Variants in NPHP4 observed in about 807,000 individuals in gnomAD.
The protein encoded by NPHP4 is nephrocystin 4.
Under a neutral mutation model 155.8 loss-of-function variants are expected in NPHP4, and 151 were observed. The observed-to-expected ratio is 0.97, with a 90% confidence interval of 0.85 to 1.11. The LOEUF (loss-of-function observed/expected upper bound fraction) is 1.11. Ranked by LOEUF, NPHP4 falls within the 50% of genes least tolerant of loss-of-function variation. The pLI, the probability that NPHP4 is intolerant of heterozygous loss-of-function variation, is 0.00. For missense variants in NPHP4, 1,956 were observed against 1,925.7 expected, an observed-to-expected ratio of 1.02 and a Z score of -0.29; for synonymous variants, 845 against 816.8, an observed-to-expected ratio of 1.03 and a Z score of -0.59.
intron 12 of NPHP4, among the ~76,000 whole-genome samples, 166 bp downstream of exon 12, chr1:5,908,986 G>A (rs1195109838): frequency 6.6e-6 from 1 of 152,226 alleles, no homozygotes; most frequent in Non-Finnish European, 1.5e-5. Flanking sequence ...TCAGGGACAG[G>A]CTGCACAGAC....
In NPHP4 at chr1:5,879,598, T is replaced by C. The variant is rs202097188; in HGVS notation, c.2611+516A>G. 1.6e-3 allele frequency: 841 copies of C among 519,088 alleles called. 4 individuals are homozygous for C. The highest frequency in any genetic ancestry group is 6.7e-3 in the Middle Eastern group (21 of 3,148). The allele number at this position is 519,088 out of a possible 1,614,324, so 32.2% of individuals were successfully genotyped here. A position where few individuals can be genotyped will look rare whatever the true frequency, so the allele number is the denominator to read the frequency against. ...CAAATGCCACTGGCAGGGTTCCCAC[T>C]TCTCCAAACAGCACAGTCGCCTGCA... On this transcript the variant is annotated intron_variant, in intron 19 of 29. Transcript: ENST00000378156.
chr1:5,880,031 G>GCACA (rs140612295), intron 19 of NPHP4, 83 bp downstream of exon 19: 33 of 1,329,124 alleles, frequency 2.5e-5, no homozygotes, highest in East Asian at 7.8e-5. Context: ...ACACACGCAT[G>GCACA]CACACACACA....
intron 23 of NPHP4, among the ~76,000 whole-genome samples, chr1:5,869,557 C>T (rs1260166799): frequency 1.3e-5 from 2 of 152,224 alleles, no homozygotes; most frequent in Non-Finnish European, 2.9e-5. Flanking sequence ...ATCTAAGCTT[C>T]TATCAAGTTG....
rs763404616 is a variant in NPHP4, at chr1:5,904,767, T to C, written c.1993A>G (p.Thr665Ala). The C allele has an allele frequency of 6.2e-7, 1 of 1,613,952 alleles. No individual in the cohort carries two copies. Among genetic ancestry groups the C allele is most frequent in the Admixed American group, 1.7e-5 (1 of 60,024 alleles). The change falls in exon 16 of 30, where the codon ACT (threonine) becomes GCT (alanine). Residue 665 changes from threonine to alanine, a missense_variant. By Grantham distance (58) the Thr-to-Ala change is moderately conservative. Transcript: ENST00000378156. ...TAGAACTGGAAGGTGAAATACACAG[T>C]CTTTGGCCATGATGTTCCTCGGCAG... ...QDCRGTSWPK[T>A]VYFTFQFYRF...
chr1:5,941,498 A>T (rs915088535), intron 9 of NPHP4, among the ~76,000 whole-genome samples: 7 of 152,136 alleles, frequency 4.6e-5, no homozygotes, highest in African/African-American at 1.7e-4. Flanking sequence ...AAGATAAATG[A>T]CAAAATGAGG....
At chr1:5,926,742 G>A (rs1646025567) in intron 11 of NPHP4, among the ~76,000 whole-genome samples, 1 of 152,138 alleles carries the variant, frequency 6.6e-6, no homozygotes, top group Non-Finnish European at 1.5e-5. Context: ...CAGGACTTGG[G>A]GCCATAGCCG....
intron 16 of NPHP4, among the ~76,000 whole-genome samples, chr1:5,896,968 CA>C (rs1644426766): frequency 6.6e-6 from 1 of 152,174 alleles, no homozygotes; most frequent in Admixed American, 6.5e-5. Flanking sequence ...AAAGACAAAG[CA>C]AAACAGCCGG....
At chr1:5,968,810 C>A (rs1411927226) in intron 4 of NPHP4, among the ~76,000 whole-genome samples, 1 of 151,990 alleles carries the variant, frequency 6.6e-6, no homozygotes, top group East Asian at 1.9e-4. Flanking sequence ...GTAGCAGGTG[C>A]ATCACTTGAG....
At chr1:5,976,963 T>C (rs1441505227) in intron 3 of NPHP4, among the ~76,000 whole-genome samples, 1 of 152,156 alleles carries the variant, frequency 6.6e-6, no homozygotes, top group African/African-American at 2.4e-5. Context: ...TCACCGCCAC[T>C]GTTACTCATC....
chr1:5,939,442 G>C (rs568406878), intron 9 of NPHP4, among the ~76,000 whole-genome samples: 2 of 152,336 alleles, frequency 1.3e-5, no homozygotes, highest in South Asian at 4.1e-4. Flanking sequence ...GGGCCCCAGC[G>C]GCTGGCATGT....
intron 5 of NPHP4, among the ~76,000 whole-genome samples, chr1:5,964,934 TA>T (rs1557850535): frequency 1.7e-4 from 9 of 54,050 alleles, no homozygotes; most frequent in African/African-American, 1.0e-3. Flanking sequence ...TATATATATA[TA>T]TATATATTTT....
chr1:5,932,383 T>C (rs1048020742), intron 10 of NPHP4, among the ~76,000 whole-genome samples: 1 of 152,196 alleles, frequency 6.6e-6, no homozygotes, highest in Non-Finnish European at 1.5e-5. Flanking sequence ...TTAGGTAATA[T>C]TCTAAATATT....
chr1:5,887,520 A>G, intron 17 of NPHP4, 54 bp from the exon 18 acceptor site: 1 of 1,584,266 alleles, frequency 6.3e-7, no homozygotes, highest in Non-Finnish European at 8.6e-7. Flanking sequence ...GGCTGCTTCC[A>G]CCAGCCCTGC....
intron 2 of NPHP4, among the ~76,000 whole-genome samples, chr1:5,982,933 G>A (rs570873414): frequency 1.3e-5 from 2 of 152,298 alleles, no homozygotes; most frequent in East Asian, 3.9e-4. Flanking sequence ...TAATGGCCCA[G>A]CATACGGTCT....
In NPHP4 at chr1:5,988,440, A is replaced by AT. The variant is rs1385777812; in HGVS notation, c.-38-2114dup. Among the ~76,000 whole-genome samples, 13 of 152,008 alleles carry AT rather than the reference A, an allele frequency of 8.6e-5. No homozygotes were observed. In the South Asian group the frequency reaches 1.9e-3, roughly 22 times the overall value. The stretch of plus-strand genomic sequence containing the variant: ...ATGCAAAAGAATCCCACTCTTCTAA[A>AT]TTTTTTTTTGTTTTGGATAATATAG... On this transcript the variant is annotated intron_variant, in intron 1 of 29. Transcript: ENST00000378156.
In NPHP4 at chr1:5,890,722, C is replaced by T. The variant is rs1406283733; in HGVS notation, c.2304+146G>A. 3.4e-6 allele frequency: 2 copies of T among 583,836 alleles called. No homozygotes were observed. Among genetic ancestry groups the T allele is most frequent in the East Asian group, 3.1e-5 (1 of 32,718 alleles). The allele number at this position is 583,836 out of a possible 1,614,324, so 36.2% of individuals were successfully genotyped here. ...CTTTCAAGAAACAGAGAATGCAGCA[C>T]TATTTTTAACGAGTGAACAAAGAAG... On this transcript the variant is annotated intron_variant, in intron 17 of 29. Transcript: ENST00000378156. This position sits in a 1 kb window ranked among gnomAD's most constrained non-coding sequence, Gnocchi z 4.9.
chr1:5,895,969 C>T (rs954173925), intron 16 of NPHP4, among the ~76,000 whole-genome samples: 2 of 152,118 alleles, frequency 1.3e-5, no homozygotes, highest in South Asian at 2.1e-4. Flanking sequence ...ACCGTAGAGA[C>T]GGGCACAGGC....
intron 3 of NPHP4, among the ~76,000 whole-genome samples, chr1:5,971,454 C>T (rs113410010): frequency 0.047 from 7,179 of 152,298 alleles, 231 homozygotes; most frequent in Non-Finnish European, 0.072. Context: ...ATTGACCCTC[C>T]AGTGTGGGAA....
chr1:5,880,010 C>G, intron 19 of NPHP4, 104 bp downstream of exon 19: 1 of 1,339,652 alleles, frequency 7.5e-7, no homozygotes, highest in Non-Finnish European at 1.0e-6. Context: ...GGTGCACACA[C>G]ACACACATGC....
Sources: allele counts gnomAD v4.1 joint callset (sites outside exome capture counted in the v4.1 genomes callset), GRCh38; gene constraint gnomAD v4.1.1; non-coding constraint Gnocchi (gnomAD v3.1); transcripts MANE v1.5; gene names NCBI Gene and HGNC (gene_info 2026-07-23, HGNC 2026-07-21).